The following MYCBP2 variants were observed in gnomAD, a reference collection of about 807,000 sequenced individuals.
MYCBP2 encodes the protein MYC binding protein 2, also known as E3 ubiquitin-protein ligase MYCBP2.
Under a neutral mutation model 525.3 loss-of-function variants are expected in MYCBP2, and 120 were observed. The observed-to-expected ratio is 0.23, with a 90% confidence interval of 0.20 to 0.27. The LOEUF is 0.27. Ranked by LOEUF, MYCBP2 falls within the 10% of genes least tolerant of loss-of-function variation. The pLI is 1.00. For synonymous variants in MYCBP2, 1,894 were observed against 1,955.8 expected (o/e 0.97, Z 0.83); for missense variants, 4,149 against 5,657.1 (o/e 0.73, Z 8.55).
chr13:77,258,006 T>C (rs540678926), intron 13 of MYCBP2, among the ~76,000 whole-genome samples, 177 bp from the exon 14 acceptor site: 4 of 152,224 alleles, frequency 2.6e-5, no homozygotes, highest in African/African-American at 9.6e-5. Context: ...CTTTGTAACG[T>C]AGCTTCAGTG....
intron 79 of MYCBP2, among the ~76,000 whole-genome samples, chr13:77,056,245 T>C (rs571791471): frequency 6.6e-6 from 1 of 152,166 alleles, no homozygotes; most frequent in East Asian, 1.9e-4. Flanking sequence ...TATCTATTAA[T>C]ATTTGTAGCA....
At chr13:77,275,035 C>T (rs931917134) in intron 4 of MYCBP2, among the ~76,000 whole-genome samples, 1 of 152,004 alleles carries the variant, frequency 6.6e-6, no homozygotes, top group African/African-American at 2.4e-5. Context: ...AATTATTATC[C>T]TTCAGTGAGT....
At chr13:77,091,784 C>A (rs1377508203) in intron 59 of MYCBP2, among the ~76,000 whole-genome samples, 1 of 151,882 alleles carries the variant, frequency 6.6e-6, no homozygotes, top group Non-Finnish European at 1.5e-5. Context: ...TGCAGTGACA[C>A]AATCGTAGCT....
chr13:77,120,882 T>A (rs1057213370), intron 55 of MYCBP2, among the ~76,000 whole-genome samples: 2 of 152,170 alleles, frequency 1.3e-5, no homozygotes, highest in Non-Finnish European at 2.9e-5. Flanking sequence ...TCATTTCACA[T>A]AATTCTAAAT....
chr13:77,269,862 A>C lies in MYCBP2; in HGVS notation c.1260+130T>G, dbSNP rs559402368. On this transcript the variant is annotated intron_variant, in intron 7 of 82. Coordinates refer to ENST00000544440, the MANE Select transcript of MYCBP2 (RefSeq NM_015057.5). ...GTTCTTTACGCTACACTATTCAGTT[A>C]TTATGGCCATATTAGTAAAAATATA... The C allele has an allele frequency of 2.3e-4, 171 of 737,948 alleles. 2 individuals are homozygous for C. In the South Asian group the frequency reaches 3.1e-3, roughly 14 times the overall value. 45.7% of individuals were successfully genotyped at this position (737,948 alleles called of 1,614,324 possible). A position where few individuals can be genotyped will look rare whatever the true frequency, so the allele number is the denominator to read the frequency against.
chr13:77,183,815 T>G (rs2060480591), intron 32 of MYCBP2, among the ~76,000 whole-genome samples: 1 of 152,166 alleles, frequency 6.6e-6, no homozygotes, highest in East Asian at 1.9e-4. Flanking sequence ...CCCAAAGTGC[T>G]GGGATTACAG....
intron 1 of MYCBP2, among the ~76,000 whole-genome samples, chr13:77,298,739 T>A (rs1359164290): frequency 6.6e-6 from 1 of 152,124 alleles, no homozygotes; most frequent in Non-Finnish European, 1.5e-5. Context: ...ACAAAGGAGG[T>A]CATGGAAACT....
Position 77,077,483 on chromosome 13 carries a change from A to G in MYCBP2, c.11485-96T>C, listed in dbSNP as rs529634982. Reference sequence around the variant, plus strand: ...TTGATACCAGCAAGCTCAAATAACAAAGAATTGCACAGAGTAAAGGTTATG... The same window carrying G: ...TTGATACCAGCAAGCTCAAATAACAGAGAATTGCACAGAGTAAAGGTTATG... On this transcript the variant is annotated intron_variant, in intron 66 of 82. Transcript: ENST00000544440. 183 of 1,431,972 alleles carry G rather than the reference A, an allele frequency of 1.3e-4. 1 individual carries two copies. In the African/African-American group the frequency reaches 2.0e-3, roughly 16 times the overall value. 88.7% of individuals were successfully genotyped at this position (1,431,972 alleles called of 1,614,324 possible).
chr13:77,175,465 C>A (rs1343434129), intron 36 of MYCBP2, among the ~76,000 whole-genome samples: 1 of 152,080 alleles, frequency 6.6e-6, no homozygotes, highest in Non-Finnish European at 1.5e-5. Context: ...TGCTTTATGA[C>A]CCATGATATA....
At chr13:77,216,566 G>A (rs778667213) in intron 21 of MYCBP2, among the ~76,000 whole-genome samples, 4 of 152,198 alleles carry the variant, frequency 2.6e-5, no homozygotes, top group Non-Finnish European at 4.4e-5. Flanking sequence ...ATGTGATGCA[G>A]TGAGGGCAAA....
intron 59 of MYCBP2, 129 bp downstream of exon 59, chr13:77,093,036 T>C: frequency 1.2e-6 from 1 of 838,066 alleles, no homozygotes; most frequent in South Asian, 2.0e-5. Context: ...TGCTTTTTCT[T>C]ACTGCTCCAG....
intron 15 of MYCBP2, among the ~76,000 whole-genome samples, chr13:77,247,433 A>C (rs1206600336): frequency 2.0e-5 from 3 of 152,218 alleles, no homozygotes; most frequent in Non-Finnish European, 4.4e-5. Flanking sequence ...ATTAAAGATG[A>C]CATAAGTAGA....
chr13:77,091,665 A>C (rs941172072), intron 59 of MYCBP2, among the ~76,000 whole-genome samples: 2 of 152,166 alleles, frequency 1.3e-5, no homozygotes, highest in African/African-American at 4.8e-5. Context: ...ATGTCAACAG[A>C]GAGGCAAATA....
chr13:77,053,892 T>G lies in MYCBP2; in HGVS notation c.13647+1666A>C, dbSNP rs561140092. On this transcript the variant is annotated intron_variant, in intron 80 of 82. Coordinates refer to ENST00000544440, the MANE Select transcript of MYCBP2 (RefSeq NM_015057.5). Reference sequence around the variant, plus strand: ...TTTGTATCTAGTAAGTGCAAAGTACTAGAGATAGAAAAATGAAAAAACATA... The same window carrying G: ...TTTGTATCTAGTAAGTGCAAAGTACGAGAGATAGAAAAATGAAAAAACATA... Among the ~76,000 whole-genome samples, 8 of 152,282 alleles carry G rather than the reference T, an allele frequency of 5.3e-5. No individual in the cohort carries two copies. In the South Asian group the frequency reaches 1.2e-3, roughly 24 times the overall value.
chr13:77,233,941 C>T (rs2067505758), intron 17 of MYCBP2, among the ~76,000 whole-genome samples: 1 of 150,952 alleles, frequency 6.6e-6, no homozygotes, highest in Admixed American at 6.6e-5. Flanking sequence ...GGCACCTAAC[C>T]CAAATAACAT....
chr13:77,097,524 C>T lies in MYCBP2; in HGVS notation c.9630G>A (p.Lys3210=). Reference sequence around the variant, plus strand: ...GCCTAACTTCTGCCTTTTCTTTTTTCTTTTTTTCCTTTTTGGACTTCTTAT... The same window carrying T: ...GCCTAACTTCTGCCTTTTCTTTTTTTTTTTTTTCCTTTTTGGACTTCTTAT... The part of the protein sequence containing the change: ...KENKKSKKEK[K]KKEKAEVRPR... Residue 3210 remains lysine, a synonymous_variant, in exon 56 of 83, where the codon AAG becomes AAA. Transcript: ENST00000544440. 3 of 1,611,752 alleles carry T rather than the reference C, an allele frequency of 1.9e-6. No individual in the cohort carries two copies. The highest frequency in any genetic ancestry group is 2.5e-6 in the Non-Finnish European group (3 of 1,179,024).
At chr13:77,205,409 G>C (rs113967371) in intron 25 of MYCBP2, 26 bp from the exon 26 acceptor site, 1 of 1,611,748 alleles carries the variant, frequency 6.2e-7, no homozygotes, top group Non-Finnish European at 8.5e-7. Flanking sequence ...CATAATCTAT[G>C]TTTTAAAAGA....
At chr13:77,130,755 C>T (rs1315703648) in intron 52 of MYCBP2, among the ~76,000 whole-genome samples, 2 of 152,128 alleles carry the variant, frequency 1.3e-5, no homozygotes, top group African/African-American at 4.8e-5. Flanking sequence ...CATAGTGGGA[C>T]AGACTTTTTG....
At chr13:77,103,418 CTG>C (rs910185886) in intron 55 of MYCBP2, 10 of 393,098 alleles carry the variant, frequency 2.5e-5, no homozygotes, top group Non-Finnish European at 4.5e-5. Context: ...CAAGTATAAA[CTG>C]TTATTTTAAA....
Sources: allele counts gnomAD v4.1 joint callset (sites outside exome capture counted in the v4.1 genomes callset), GRCh38; gene constraint gnomAD v4.1.1; transcripts MANE v1.5; gene names NCBI Gene and HGNC (gene_info 2026-07-23, HGNC 2026-07-21).